The following WDR25 variants were observed in gnomAD, a reference collection of about 807,000 sequenced individuals.
The protein encoded by WDR25 is WD repeat-containing protein 25.
A neutral mutation model predicts 47.7 loss-of-function variants in WDR25; 35 were observed. That is an observed-to-expected ratio of 0.73 (90% CI 0.56 to 0.97). The LOEUF is 0.97. WDR25 is among the 50% of genes least tolerant of loss of function. The pLI is 0.00. For synonymous variants in WDR25, 248 were observed against 278.9 expected, an observed-to-expected ratio of 0.89 and a Z score of 1.10; for missense variants, 634 against 704.7, an observed-to-expected ratio of 0.90 and a Z score of 1.14.
In WDR25 at chr14:100,529,225, C is replaced by A. The variant is rs747545485; in HGVS notation, c.1413+17C>A. 8 of 1,612,490 alleles carry A rather than the reference C, an allele frequency of 5.0e-6. No individual in the cohort carries two copies. The highest frequency in any genetic ancestry group is 6.8e-6 in the Non-Finnish European group (8 of 1,179,624). On this transcript the variant is annotated intron_variant, in intron 6 of 6. Coordinates refer to ENST00000402312, the MANE Select transcript of WDR25 (RefSeq NM_001161476.3). This position sits in a 1 kb window ranked among gnomAD's most constrained non-coding sequence, Gnocchi z 5.1. ...GGGCACAAGGTACTTCTGTCCTTGT[C>A]CCCCAGGCGAATGCTGAGCCCCAGC...
chr14:100,444,763 C>G (rs977512059), intron 2 of WDR25, among the ~76,000 whole-genome samples: 1 of 152,242 alleles, frequency 6.6e-6, no homozygotes, highest in Non-Finnish European at 1.5e-5. Context: ...CATCGTCCTC[C>G]TCACGTCCTT....
At chr14:100,389,247 C>A (rs1034795799) in intron 2 of WDR25, among the ~76,000 whole-genome samples, 9 of 152,282 alleles carry the variant, frequency 5.9e-5, no homozygotes, top group Admixed American at 5.2e-4. Context: ...ATTTTGCAAG[C>A]AGCGTTTCCT....
chr14:100,395,072 T>C (rs999089842), intron 2 of WDR25, among the ~76,000 whole-genome samples: 10 of 152,224 alleles, frequency 6.6e-5, no homozygotes, highest in Admixed American at 6.5e-4. Context: ...GACGGCCAGG[T>C]GAAGTGCTTG....
At position 100,392,650 on chromosome 14, in the gene WDR25, A is replaced by C. The variant is rs1897170580; in HGVS notation, c.822+10904A>C. Among the ~76,000 whole-genome samples, 1 of 151,962 alleles carries C rather than the reference A, an allele frequency of 6.6e-6. No homozygotes were observed. The highest frequency in any genetic ancestry group is 2.4e-5 in the African/African-American group (1 of 41,362). ...GTCTTTCCATTTAACATTCTCTCCCAGCCCTGCCCGCGCCACACTGTGCCA... is the reference window on the plus strand; with the variant it reads ...GTCTTTCCATTTAACATTCTCTCCCCGCCCTGCCCGCGCCACACTGTGCCA... On this transcript the variant is annotated intron_variant, in intron 2 of 6. Coordinates refer to ENST00000402312, the MANE Select transcript of WDR25 (RefSeq NM_001161476.3). The surrounding 1 kb of genome is among the most constrained non-coding windows in gnomAD (Gnocchi z 4.2).
Position 100,529,395 on chromosome 14 carries a change from C to T in WDR25, c.1413+187C>T. Reference sequence around the variant, plus strand: ...TCCCTGAACCACATCTGGTCCTCACCCCAGGCCCCACGTACTGGGCAGGAA... The same window carrying T: ...TCCCTGAACCACATCTGGTCCTCACTCCAGGCCCCACGTACTGGGCAGGAA... On this transcript the variant is annotated intron_variant, in intron 6 of 6. Transcript: ENST00000402312. The surrounding 1 kb of genome is among the most constrained non-coding windows in gnomAD (Gnocchi z 5.1). The T allele has an allele frequency of 4.7e-6, 4 of 858,882 alleles. No homozygotes were observed. Among genetic ancestry groups the T allele is most frequent in the Non-Finnish European group, 7.0e-6 (4 of 567,810 alleles). The allele number at this position is 858,882 out of a possible 1,614,324, so 53.2% of individuals were successfully genotyped here. A position where few individuals can be genotyped will look rare whatever the true frequency, so the allele number is the denominator to read the frequency against.
chr14:100,445,124 C>G (rs542381356), intron 2 of WDR25, among the ~76,000 whole-genome samples: 14 of 152,186 alleles, frequency 9.2e-5, no homozygotes, highest in Non-Finnish European at 5.9e-5. Flanking sequence ...TCACTCTGTT[C>G]ACATCTCCCA....
chr14:100,416,617 T>C (rs1897876956), intron 2 of WDR25, among the ~76,000 whole-genome samples: 1 of 152,200 alleles, frequency 6.6e-6, no homozygotes, highest in African/African-American at 2.4e-5. Context: ...AAGGGTCCCC[T>C]TCTCTCTGTA....
At chr14:100,528,489 T>A (rs2030300578) in intron 5 of WDR25, among the ~76,000 whole-genome samples, 1 of 150,398 alleles carries the variant, frequency 6.6e-6, no homozygotes, top group African/African-American at 2.5e-5. Flanking sequence ...CAGGCTGGTC[T>A]CGAACTCCTG....
intron 2 of WDR25, among the ~76,000 whole-genome samples, chr14:100,453,278 G>A (rs1211692664): frequency 6.6e-6 from 1 of 152,204 alleles, no homozygotes; most frequent in African/African-American, 2.4e-5. Flanking sequence ...CATTAGTGGT[G>A]CTGAAACCTG....
chr14:100,465,644 A>G (rs1184095326), intron 2 of WDR25, among the ~76,000 whole-genome samples: 3 of 152,224 alleles, frequency 2.0e-5, no homozygotes, highest in African/African-American at 7.2e-5. Flanking sequence ...TCTTTTGGCT[A>G]TTATTAATAA....
intron 3 of WDR25, chr14:100,481,420 C>A: frequency 2.0e-6 from 2 of 992,548 alleles, no homozygotes; most frequent in Non-Finnish European, 2.7e-6. Flanking sequence ...CACCTCATCC[C>A]ATTTTTTAAG....
chr14:100,425,877 C>T lies in WDR25; in HGVS notation c.823-42144C>T, dbSNP rs1196480971. Among the ~76,000 whole-genome samples, 1 of 152,128 alleles carries T rather than the reference C, an allele frequency of 6.6e-6. No homozygotes were observed. The highest frequency in any genetic ancestry group is 1.5e-5 in the Non-Finnish European group (1 of 68,038). ...AGGGAAATCACCTGGGGCAAGCTGA[C>T]CCTCAACATGAGGCAAGGGGTATTC... On this transcript the variant is annotated intron_variant, in intron 2 of 6. Transcript: ENST00000402312. The surrounding 1 kb of genome is among the most constrained non-coding windows in gnomAD (Gnocchi z 4.8).
intron 4 of WDR25, among the ~76,000 whole-genome samples, chr14:100,485,178 C>A (rs1203953454): frequency 6.6e-6 from 1 of 152,032 alleles, no homozygotes; most frequent in Admixed American, 6.5e-5. Context: ...TAAGTAGAGG[C>A]TTGCTGCCCC....
rs1398789448 is a variant in WDR25, at chr14:100,500,564, A to G, written c.1101+16440A>G. Among the ~76,000 whole-genome samples, 1 of 152,106 alleles carries G rather than the reference A, an allele frequency of 6.6e-6. No homozygotes were observed. The highest frequency in any genetic ancestry group is 2.4e-5 in the African/African-American group (1 of 41,422). ...GATAGACCCCTCCCCTCAGTGCCCTAGTTAGTTTCTCTGGGGCTAGGCAGG... is the reference window on the plus strand; with the variant it reads ...GATAGACCCCTCCCCTCAGTGCCCTGGTTAGTTTCTCTGGGGCTAGGCAGG... On this transcript the variant is annotated intron_variant, in intron 4 of 6. Coordinates refer to ENST00000402312, the MANE Select transcript of WDR25 (RefSeq NM_001161476.3). The surrounding 1 kb of genome is among the most constrained non-coding windows in gnomAD (Gnocchi z 4.7).
chr14:100,485,636 G>A (rs1032468457), intron 4 of WDR25, among the ~76,000 whole-genome samples: 3 of 152,190 alleles, frequency 2.0e-5, no homozygotes, highest in African/African-American at 7.2e-5. Flanking sequence ...CGGGAGGTTT[G>A]TGAACATCTG....
At chr14:100,402,398 A>G (rs575462685) in intron 2 of WDR25, among the ~76,000 whole-genome samples, 1 of 152,190 alleles carries the variant, frequency 6.6e-6, no homozygotes, top group South Asian at 2.1e-4. Context: ...AAAATCAAAA[A>G]ATTCCCTTGG....
rs2030076269 is a variant in WDR25, at chr14:100,525,493, G to A, written c.1102-377G>A. On this transcript the variant is annotated intron_variant, in intron 4 of 6. Coordinates refer to ENST00000402312, the MANE Select transcript of WDR25 (RefSeq NM_001161476.3). The surrounding 1 kb of genome is among the most constrained non-coding windows in gnomAD (Gnocchi z 4.6). ...AGCTGTGAATTATGTGACGTCTTCA[G>A]AAGCAGGACCCACTCAAAGCATGAC... Among the ~76,000 whole-genome samples, 1 of 152,194 alleles carries A rather than the reference G, an allele frequency of 6.6e-6. No individual in the cohort carries two copies. The highest frequency in any genetic ancestry group is 1.5e-5 in the Non-Finnish European group (1 of 68,030).
At chr14:100,419,743 G>A (rs1218175388) in intron 2 of WDR25, among the ~76,000 whole-genome samples, 6 of 152,162 alleles carry the variant, frequency 3.9e-5, no homozygotes, top group Non-Finnish European at 7.3e-5. Context: ...GTGGAACCTC[G>A]CGTCTAATCT....
chr14:100,411,813 G>T (rs1415229725), intron 2 of WDR25, among the ~76,000 whole-genome samples: 1 of 152,230 alleles, frequency 6.6e-6, no homozygotes, highest in African/African-American at 2.4e-5. Flanking sequence ...TGGGATTACA[G>T]GTGTGAGCCA....
Sources: gnomAD v4.1 joint callset for allele counts (sites outside exome capture counted in the v4.1 genomes callset) on GRCh38, gnomAD v4.1.1 for gene constraint, Gnocchi (gnomAD v3.1) non-coding constraint, MANE v1.5 for transcripts, NCBI Gene and HGNC (gene_info 2026-07-23, HGNC 2026-07-21) for gene names.